WNT7B: variants seen among roughly 807,000 people sequenced by gnomAD.
The protein encoded by WNT7B is protein Wnt-7b.
Under a neutral mutation model 38.2 loss-of-function variants are expected in WNT7B, and 19 were observed. The observed-to-expected ratio is 0.50, with a 90% CI of 0.35 to 0.73. The LOEUF (loss-of-function observed/expected upper bound fraction) is 0.73, where lower values mean the gene tolerates loss of function less well. Among genes scored for constraint, WNT7B ranks in the 30% least tolerant of loss-of-function variants. The pLI is 0.01. For synonymous variants in WNT7B, 243 were observed against 209.3 expected, an observed-to-expected ratio of 1.16 and a Z score of -1.39; for missense variants, 423 against 507.9, an observed-to-expected ratio of 0.83 and a Z score of 1.61.
chr22:45,935,796 G>A, intron 2 of WNT7B: 1 of 983,862 alleles, frequency 1.0e-6, no homozygotes, highest in Non-Finnish European at 1.2e-6. Flanking sequence ...TTCAAAGCAG[G>A]AAGGGATTTG....
rs767546622 is a variant in WNT7B, at chr22:45,931,373, C to T, written c.299-4G>A. ...GTGAAGGCAGCCTCACGGCTCCCTG[C>T]GGGGACAGACAGGTGCAGAAGGTGA... is the stretch of plus-strand genomic sequence containing the variant. On this transcript the variant is annotated splice_polypyrimidine_tract_variant and splice_region_variant and intron_variant, in intron 2 of 3. Coordinates refer to ENST00000339464, the MANE Select transcript of WNT7B (RefSeq NM_058238.3). The T allele has an allele frequency of 1.6e-5, 25 of 1,581,136 alleles. No individual in the cohort carries two copies. In the East Asian group the frequency reaches 2.5e-4, roughly 16 times the overall value.
intron 3 of WNT7B, among the ~76,000 whole-genome samples, chr22:45,927,868 C>T (rs566560254): frequency 3.0e-4 from 45 of 152,328 alleles, no homozygotes; most frequent in Non-Finnish European, 5.9e-4. Context: ...TGCACTCCAG[C>T]CTCAGCGACA....
At chr22:45,929,665 CGCCCA>C (rs1931243869) in intron 3 of WNT7B, among the ~76,000 whole-genome samples, 1 of 118,910 alleles carries the variant, frequency 8.4e-6, no homozygotes, top group African/African-American at 3.5e-5. Context: ...TCCACCCACC[CGCCCA>C]TCCTTCCCTC....
intron 2 of WNT7B, among the ~76,000 whole-genome samples, chr22:45,934,751 C>T (rs903841111): frequency 1.4e-4 from 21 of 152,208 alleles, no homozygotes; most frequent in African/African-American, 4.8e-4. Context: ...AGTTACTCAC[C>T]GGTTACTCAT....
intron 1 of WNT7B, among the ~76,000 whole-genome samples, chr22:45,972,999 C>G (rs1424496406): frequency 1.3e-5 from 2 of 152,254 alleles, no homozygotes; most frequent in Non-Finnish European, 2.9e-5. Flanking sequence ...GGGTCGCACA[C>G]AGGCACTGCC....
At chr22:45,938,508 G>A (rs1461133818) in intron 2 of WNT7B, among the ~76,000 whole-genome samples, 2 of 152,204 alleles carry the variant, frequency 1.3e-5, no homozygotes, top group Middle Eastern at 3.4e-3. Context: ...GTGGTGGTGT[G>A]CGCCTGTAAT....
intron 2 of WNT7B, among the ~76,000 whole-genome samples, chr22:45,947,863 C>A (rs377476654): frequency 1.3e-5 from 2 of 152,118 alleles, no homozygotes; most frequent in African/African-American, 2.4e-5. Flanking sequence ...GAGACTGAGA[C>A]GGGATGCAGC....
chr22:45,957,103 T>C (rs1298802769), intron 1 of WNT7B, among the ~76,000 whole-genome samples: 4 of 46,426 alleles, frequency 8.6e-5, no homozygotes, highest in Non-Finnish European at 1.5e-4. Flanking sequence ...AGACTCTGTC[T>C]CAAAAAAAAA....
Position 45,926,898 on chromosome 22 carries a change from G to A in WNT7B, c.571-3563C>T, listed in dbSNP as rs28675272. The A allele has an allele frequency of 6.6e-4, 651 of 985,420 alleles. 12 individuals are homozygous for A. The Admixed American group carries it at 0.03, about 45-fold the overall frequency. 61.0% of individuals were successfully genotyped at this position (985,420 alleles called of 1,614,324 possible). Reference sequence around the variant, plus strand: ...CCCATTAGGACGGTGTGAACAATGCGCCCACCCAGCAGGACGCTGTGGACC... The same window carrying A: ...CCCATTAGGACGGTGTGAACAATGCACCCACCCAGCAGGACGCTGTGGACC... On this transcript the variant is annotated intron_variant, in intron 3 of 3. Coordinates refer to ENST00000339464, the MANE Select transcript of WNT7B (RefSeq NM_058238.3).
intron 1 of WNT7B, among the ~76,000 whole-genome samples, chr22:45,957,703 A>AC (rs769054814): frequency 3.4e-5 from 5 of 146,206 alleles, no homozygotes; most frequent in South Asian, 2.1e-4. Context: ...AAAAAAAAAA[A>AC]AAAAAAAAAC....
chr22:45,943,255 G>T (rs1279151824), intron 2 of WNT7B, among the ~76,000 whole-genome samples: 1 of 152,218 alleles, frequency 6.6e-6, no homozygotes, highest in Non-Finnish European at 1.5e-5. Flanking sequence ...CCGGGCTCGG[G>T]CTGAGTCAGC....
intron 1 of WNT7B, among the ~76,000 whole-genome samples, chr22:45,962,500 G>A (rs975406502): frequency 3.9e-5 from 6 of 152,180 alleles, no homozygotes; most frequent in African/African-American, 1.4e-4. Flanking sequence ...CAAGATTCCA[G>A]ACCCAGCTTA....
chr22:45,934,721 C>G (rs76104782), intron 2 of WNT7B, among the ~76,000 whole-genome samples: 1 of 152,226 alleles, frequency 6.6e-6, no homozygotes, highest in Non-Finnish European at 1.5e-5. Flanking sequence ...CCTGGCTATG[C>G]CTGCCCCAGG....
intron 1 of WNT7B, among the ~76,000 whole-genome samples, chr22:45,960,292 C>T (rs1932166644): frequency 1.3e-5 from 2 of 152,226 alleles, no homozygotes; most frequent in African/African-American, 4.8e-5. Context: ...GCAGAGACCC[C>T]TCCTTGGGGA....
chr22:45,953,151 C>T (rs10448603), intron 1 of WNT7B, among the ~76,000 whole-genome samples: 627 of 51,120 alleles, frequency 0.012, 1 homozygote, highest in African/African-American at 0.018. Context: ...CCCCTCACAG[C>T]CACCGTGTCC....
chr22:45,953,316 C>T (rs1376646521), intron 1 of WNT7B, among the ~76,000 whole-genome samples: 1 of 149,960 alleles, frequency 6.7e-6, no homozygotes, highest in African/African-American at 2.5e-5. Flanking sequence ...GTCCATGCCC[C>T]GCTTCCCCTC....
intron 1 of WNT7B, among the ~76,000 whole-genome samples, chr22:45,961,990 A>G (rs1932206836): frequency 1.3e-5 from 2 of 152,154 alleles, no homozygotes; most frequent in Admixed American, 1.3e-4. Context: ...TGCTCTGCTC[A>G]GCTCTTGGCT....
intron 3 of WNT7B, among the ~76,000 whole-genome samples, chr22:45,929,463 T>C (rs1213200629): frequency 7.6e-6 from 1 of 130,930 alleles, no homozygotes; most frequent in Non-Finnish European, 1.6e-5. Flanking sequence ...GATTCGTCCA[T>C]CTACTTATCC....
chr22:45,967,005 C>T (rs996904889), intron 1 of WNT7B, among the ~76,000 whole-genome samples: 1 of 152,218 alleles, frequency 6.6e-6, no homozygotes, highest in Non-Finnish European at 1.5e-5. Context: ...CCTCAGGACC[C>T]ACGCTCAGAG....
Sources: gnomAD v4.1 joint callset for allele counts (sites outside exome capture counted in the v4.1 genomes callset) on GRCh38, gnomAD v4.1.1 for gene constraint, MANE v1.5 for transcripts, NCBI Gene and HGNC (gene_info 2026-07-23, HGNC 2026-07-21) for gene names.